HS3ST3B1: variants seen among roughly 807,000 people sequenced by gnomAD.
The protein encoded by HS3ST3B1 is heparan sulfate-glucosamine 3-sulfotransferase 3B1, also known as heparan sulfate glucosamine 3-O-sulfotransferase 3B1.
HS3ST3B1 carries 13 observed loss-of-function variants against 21.3 expected under a neutral mutation model. That is an observed-to-expected ratio of 0.61 (90% confidence interval 0.40 to 0.97). HS3ST3B1 has a LOEUF of 0.97. HS3ST3B1 is among the 50% of genes least tolerant of loss of function. The pLI is 0.00. For missense variants in HS3ST3B1, 459 were observed against 554.8 expected (o/e 0.83, Z 1.73); for synonymous variants, 234 against 254.8 (o/e 0.92, Z 0.78).
In HS3ST3B1 at chr17:14,345,575, C is replaced by G. The variant is rs760168618; in HGVS notation, c.1102C>G (p.Leu368Val). ...PEIDREVVRR[L>V]REFYRPFNLK... is the part of the protein sequence containing the mutation. The stretch of plus-strand genomic sequence containing the variant: ...GATCGACCGCGAGGTGGTGCGCAGG[C>G]TGCGCGAGTTCTACCGGCCTTTCAA... The change falls in exon 2 of 2, where the codon CTG (leucine) becomes GTG (valine). Residue 368 changes from leucine (L) to valine (V), a missense_variant. Leu to Val is a conservative substitution (Grantham distance 32). Around this residue, in one of 3 missense-constraint regions of HS3ST3B1, gnomAD observed 127 missense variants for 209.9 expected, o/e 0.60. Coordinates refer to ENST00000360954, the MANE Select transcript of HS3ST3B1 (RefSeq NM_006041.3). The G allele has an allele frequency of 1.9e-6, 3 of 1,586,526 alleles. No individual in the cohort carries two copies. In the South Asian group the frequency reaches 3.5e-5, roughly 19 times the overall value.
intron 1 of HS3ST3B1, among the ~76,000 whole-genome samples, chr17:14,318,816 C>A (rs1176175981): frequency 6.6e-6 from 1 of 152,188 alleles, no homozygotes; most frequent in Admixed American, 6.5e-5. Context: ...CCAGTCCCAG[C>A]TGGAAACAGA....
Position 14,332,829 on chromosome 17 carries a change from C to CTTT in HS3ST3B1, c.555-12176_555-12174dup, listed in dbSNP as rs71147859. Among the ~76,000 whole-genome samples, 24 of 91,054 alleles carry CTTT rather than the reference C, an allele frequency of 2.6e-4. 1 individual carries two copies. Among genetic ancestry groups the CTTT allele is most frequent in the South Asian group, 8.7e-4 (2 of 2,294 alleles). The allele number at this position is 91,054 out of a possible 152,430, so 59.7% of individuals were successfully genotyped here. A position where few individuals can be genotyped will look rare whatever the true frequency, so the allele number is the denominator to read the frequency against. On this transcript the variant is annotated intron_variant, in intron 1 of 1. Coordinates refer to ENST00000360954, the MANE Select transcript of HS3ST3B1 (RefSeq NM_006041.3). ...CCTTTCATAAAAGAGGACCTTTTAT[C>CTTT]TTTTTTTTTTTTTTTTTTTTTTTTT... is the stretch of plus-strand genomic sequence containing the variant.
At chr17:14,311,284 AC>A (rs1453591506) in intron 1 of HS3ST3B1, among the ~76,000 whole-genome samples, 15 of 150,454 alleles carry the variant, frequency 1.0e-4, no homozygotes, top group South Asian at 4.2e-4. Flanking sequence ...CACTATGTTA[AC>A]CCAGGCTGGT....
intron 1 of HS3ST3B1, among the ~76,000 whole-genome samples, chr17:14,327,013 A>G (rs1667832028): frequency 6.6e-6 from 1 of 150,376 alleles, no homozygotes; most frequent in South Asian, 2.1e-4. Context: ...CACGTTTCTC[A>G]TTTTCGAGTC....
intron 1 of HS3ST3B1, chr17:14,327,619 T>G (rs1450387714): frequency 6.6e-6 from 1 of 152,228 alleles, no homozygotes. Flanking sequence ...ATCACCCTTT[T>G]GAATCCTGGC....
At chr17:14,312,465 A>G (rs1347789457) in intron 1 of HS3ST3B1, among the ~76,000 whole-genome samples, 1 of 151,950 alleles carries the variant, frequency 6.6e-6, no homozygotes, top group Non-Finnish European at 1.5e-5. Flanking sequence ...CATTTCCAAG[A>G]TTCTATTTTT....
At chr17:14,321,384 G>A (rs919532593) in intron 1 of HS3ST3B1, among the ~76,000 whole-genome samples, 1 of 152,152 alleles carries the variant, frequency 6.6e-6, no homozygotes, top group Non-Finnish European at 1.5e-5. Flanking sequence ...TTAGCCTGGC[G>A]CAGCTTCATG....
intron 1 of HS3ST3B1, among the ~76,000 whole-genome samples, chr17:14,324,770 C>A (rs117766353): frequency 0.062 from 9,498 of 152,142 alleles, 462 homozygotes; most frequent in Non-Finnish European, 0.093. Context: ...CACCATCACA[C>A]CTGGCTAATT....
At chr17:14,324,487 G>A (rs1032207938) in intron 1 of HS3ST3B1, among the ~76,000 whole-genome samples, 2 of 152,172 alleles carry the variant, frequency 1.3e-5, no homozygotes, top group Non-Finnish European at 2.9e-5. Context: ...CTGGCCCCAA[G>A]TAATCCTCCA....
intron 1 of HS3ST3B1, among the ~76,000 whole-genome samples, chr17:14,317,954 T>TAGCCC (rs1410024807): frequency 1.3e-5 from 2 of 152,178 alleles, no homozygotes; most frequent in Non-Finnish European, 2.9e-5. Flanking sequence ...GAACCACATT[T>TAGCCC]AGCCCTGCTG....
chr17:14,317,823 C>T (rs1019849750), intron 1 of HS3ST3B1, among the ~76,000 whole-genome samples: 22 of 152,120 alleles, frequency 1.4e-4, no homozygotes, highest in African/African-American at 4.8e-4. Flanking sequence ...ATACCAGAGA[C>T]ATTCACAAGC....
At position 14,301,408 on chromosome 17, in the gene HS3ST3B1, ACCGAGCCAC is replaced by A. The variant is rs570539023; in HGVS notation, c.-107_-99del. On this transcript the variant is annotated 5_prime_UTR_variant, in exon 1 of 2. Transcript: ENST00000360954. ...GGCCGCGGGCACACGGGGGCAATAA[ACCGAGCCAC>A]CCGGGCGTCCAGCGTGCCGGGGAAC... 8.7e-5 allele frequency: 90 copies of A among 1,030,264 alleles called. No individual in the cohort carries two copies. The Middle Eastern group carries it at 2.7e-3, about 31-fold the overall frequency. The allele number at this position is 1,030,264 out of a possible 1,614,324, so 63.8% of individuals were successfully genotyped here.
chr17:14,312,848 C>G (rs1019752571), intron 1 of HS3ST3B1, among the ~76,000 whole-genome samples: 2 of 151,950 alleles, frequency 1.3e-5, no homozygotes, highest in Non-Finnish European at 2.9e-5. Context: ...GAGGACCCCA[C>G]CCATGGAGAC....
chr17:14,305,528 C>T (rs2142322840), intron 1 of HS3ST3B1: 1 of 152,280 alleles, frequency 6.6e-6, no homozygotes, highest in East Asian at 1.9e-4. Context: ...TGTGATTTTA[C>T]TTAAGTGTTG....
chr17:14,334,123 A>G (rs986289871), intron 1 of HS3ST3B1, among the ~76,000 whole-genome samples: 1 of 152,224 alleles, frequency 6.6e-6, no homozygotes, highest in Admixed American at 6.5e-5. Context: ...TTCTAGCTAA[A>G]CCAACTCAGG....
At position 14,303,664 on chromosome 17, in the gene HS3ST3B1, C is replaced by T. The variant is rs552595995; in HGVS notation, c.554+1592C>T. 6.6e-6 allele frequency among the ~76,000 whole-genome samples: 1 copy of T among 152,204 alleles called. No individual in the cohort carries two copies. The highest frequency in any genetic ancestry group is 1.9e-4 in the East Asian group (1 of 5,142). On this transcript the variant is annotated intron_variant, in intron 1 of 1. Coordinates refer to ENST00000360954, the MANE Select transcript of HS3ST3B1 (RefSeq NM_006041.3). This position sits in a 1 kb window ranked among gnomAD's most constrained non-coding sequence, Gnocchi z 5.7. The stretch of plus-strand genomic sequence containing the variant: ...GATGGGAAGAGTGAATGCGCTGGTA[C>T]GGTAAGGTGCCTCGCAGGCACGTGA...
chr17:14,342,835 T>G (rs906467197), intron 1 of HS3ST3B1, among the ~76,000 whole-genome samples: 4 of 152,184 alleles, frequency 2.6e-5, no homozygotes, highest in Admixed American at 6.5e-5. Flanking sequence ...CTAAACTGAG[T>G]CAGCTTTATG....
chr17:14,310,890 C>T (rs1909285451), intron 1 of HS3ST3B1, among the ~76,000 whole-genome samples: 1 of 152,088 alleles, frequency 6.6e-6, no homozygotes, highest in Admixed American at 6.5e-5. Flanking sequence ...CCGAAGATCC[C>T]CAAGTGTGTG....
At chr17:14,306,251 A>AT (rs998287884) in intron 1 of HS3ST3B1, among the ~76,000 whole-genome samples, 1 of 152,152 alleles carries the variant, frequency 6.6e-6, no homozygotes, top group Non-Finnish European at 1.5e-5. Context: ...TGTCAGTTTC[A>AT]TTTTTCTGCA....
Sources: allele counts gnomAD v4.1 joint callset (sites outside exome capture counted in the v4.1 genomes callset), GRCh38; gene constraint gnomAD v4.1.1; regional missense constraint gnomAD v4.1.1; non-coding constraint Gnocchi (gnomAD v3.1); transcripts MANE v1.5; gene names NCBI Gene and HGNC (gene_info 2026-07-23, HGNC 2026-07-21).